The following TMEM127 variants were observed in gnomAD, a reference collection of about 807,000 sequenced individuals.
TMEM127 encodes the protein transmembrane protein 127.
Under a neutral mutation model 20.1 loss-of-function variants are expected in TMEM127, and 21 were observed. The ratio of observed to expected loss-of-function variants is 1.04; its 90% CI spans 0.74 to 1.50. TMEM127 has a LOEUF of 1.50. Ranked by LOEUF, TMEM127 falls within the 40% of genes most tolerant of loss-of-function variation. The pLI is 0.00. For missense variants in TMEM127, 303 were observed against 317.4 expected, an observed-to-expected ratio of 0.95 and a Z score of 0.34; for synonymous variants, 150 against 144.7, an observed-to-expected ratio of 1.04 and a Z score of -0.26.
Position 96,254,079 on chromosome 2 carries a change from C to CA in TMEM127, c.445dup (p.Trp149LeufsTer4). On this transcript the variant is annotated frameshift_variant, in exon 4 of 4. Coordinates refer to ENST00000258439, the MANE Select transcript of TMEM127 (RefSeq NM_017849.4). LOFTEE classifies it high-confidence loss of function. The stretch of plus-strand genomic sequence containing the variant: ...CTGGGCCAAGATGAGTTCAGAAGCC[C>CA]AATAAGAAAAGCCAATGACGGTGGC... 1 of 1,613,890 alleles carries CA rather than the reference C, an allele frequency of 6.2e-7. No individual in the cohort carries two copies. The highest frequency in any genetic ancestry group is 2.2e-5 in the East Asian group (1 of 44,894).
rs2104283381 is a variant in TMEM127, at chr2:96,253,900, C to T, written c.625G>A (p.Glu209Lys). ...YPTEEEEQAL[E>K]LLSEMEENEP... The stretch of plus-strand genomic sequence containing the variant: ...TTCTCTTCCATCTCTGAGAGCAGCT[C>T]CAGCGCCTGCTCCTCTTCCTCTGTG... Residue 209 changes from glutamate to lysine, a missense_variant, in exon 4 of 4, where the codon GAG (glutamate) becomes AAG (lysine). Transcript: ENST00000258439. This position sits in a 1 kb window ranked among gnomAD's most constrained non-coding sequence, Gnocchi z 4.3. 1 of 1,613,922 alleles carries T rather than the reference C, an allele frequency of 6.2e-7. No individual in the cohort carries two copies. The highest frequency in any genetic ancestry group is 8.5e-7 in the Non-Finnish European group (1 of 1,179,834).
At position 96,253,047 on chromosome 2, in the gene TMEM127, AT is replaced by A. The variant is rs371530522; in HGVS notation, c.*760del. ...AATATTGTTGCTGTTGCCTGGTTTCATTTTTTTCCTTTTAAAACCACTCATA... is the reference window on the plus strand; with the variant it reads ...AATATTGTTGCTGTTGCCTGGTTTCATTTTTTCCTTTTAAAACCACTCATA... On this transcript the variant is annotated 3_prime_UTR_variant, in exon 4 of 4. Transcript: ENST00000258439. This position sits in a 1 kb window ranked among gnomAD's most constrained non-coding sequence, Gnocchi z 4.3. 8.8e-3 allele frequency: 2,043 copies of A among 233,142 alleles called. 19 individuals are homozygous for A. The highest frequency in any genetic ancestry group is 0.016 in the South Asian group (89 of 5,518). 14.4% of individuals were successfully genotyped at this position (233,142 alleles called of 1,614,324 possible). A position where few individuals can be genotyped will look rare whatever the true frequency, so the allele number is the denominator to read the frequency against.
chr2:96,256,348 A>G (rs542051607), intron 2 of TMEM127, among the ~76,000 whole-genome samples: 1 of 152,082 alleles, frequency 6.6e-6, no homozygotes, highest in African/African-American at 2.4e-5. Context: ...AAGGCGGGCA[A>G]AACACCTGAG....
rs575960406 is a variant in TMEM127 at position 96,250,938 on chromosome 2, G to A, written c.*2870C>T. On this transcript the variant is annotated 3_prime_UTR_variant, in exon 4 of 4. Transcript: ENST00000258439. Reference sequence around the variant, plus strand: ...ATTAAATAAAATTTAAACAATAGAGGGAAAAAAAGTGTAGTTTGTTCTGCA... The same window carrying A: ...ATTAAATAAAATTTAAACAATAGAGAGAAAAAAAGTGTAGTTTGTTCTGCA... 166 of 228,546 alleles carry A rather than the reference G, an allele frequency of 7.3e-4. 2 individuals carry two copies. The highest frequency in any genetic ancestry group is 3.5e-3 in the African/African-American group (156 of 45,174). The allele number at this position is 228,546 out of a possible 1,614,324, so 14.2% of individuals were successfully genotyped here. A position where few individuals can be genotyped will look rare whatever the true frequency, so the allele number is the denominator to read the frequency against.
At chr2:96,261,724 G>A (rs1412632750) in intron 2 of TMEM127, among the ~76,000 whole-genome samples, 1 of 152,236 alleles carries the variant, frequency 6.6e-6, no homozygotes, top group Non-Finnish European at 1.5e-5. Context: ...TGTCCACTCA[G>A]ATTAGCTGAG....
rs1487697925 is a variant in TMEM127, at chr2:96,249,790, T to G, written c.*4018A>C. ...GTGTAGTGGCTGAGAGCGTGGATAT[T>G]TCAGGCAAGATGCCAGCTGAAGATT... On this transcript the variant is annotated 3_prime_UTR_variant, in exon 4 of 4. Coordinates refer to ENST00000258439, the MANE Select transcript of TMEM127 (RefSeq NM_017849.4). 5 of 233,088 alleles carry G rather than the reference T, an allele frequency of 2.1e-5. No individual in the cohort carries two copies. The highest frequency in any genetic ancestry group is 4.2e-5 in the Non-Finnish European group (5 of 118,020). The allele number at this position is 233,088 out of a possible 1,614,324, so 14.4% of individuals were successfully genotyped here. A position where few individuals can be genotyped will look rare whatever the true frequency, so the allele number is the denominator to read the frequency against.
At chr2:96,265,537 A>AG (rs998748221) in intron 1 of TMEM127, 25 bp from the exon 2 acceptor site, 2 of 1,010,744 alleles carry the variant, frequency 2.0e-6, no homozygotes, top group Non-Finnish European at 1.3e-6. Flanking sequence ...ACCAGAGGAT[A>AG]GGGGGGTGGG....
At chr2:96,264,444 G>A (rs985998037) in intron 2 of TMEM127, among the ~76,000 whole-genome samples, 10 of 152,304 alleles carry the variant, frequency 6.6e-5, no homozygotes, top group Middle Eastern at 3.4e-3. Context: ...GTAAAAAGCA[G>A]GTGATACAGT....
In TMEM127 at chr2:96,253,315, G is replaced by GTA; in HGVS notation, c.*492_*493insTA. On this transcript the variant is annotated 3_prime_UTR_variant, in exon 4 of 4. Transcript: ENST00000258439. The surrounding 1 kb of genome is among the most constrained non-coding windows in gnomAD (Gnocchi z 4.3). ...GTGCACAGAACTCCCCGGAGCAGGT[G>GTA]GCCTGGGGGCGGGTCACTCCGAGAA... The GTA allele has an allele frequency of 8.2e-6, 2 of 242,794 alleles. No individual in the cohort carries two copies. The highest frequency in any genetic ancestry group is 5.1e-5 in the Admixed American group (1 of 19,726). The allele number at this position is 242,794 out of a possible 1,614,324, so 15.0% of individuals were successfully genotyped here.
chr2:96,262,815 AG>A, intron 2 of TMEM127, among the ~76,000 whole-genome samples: 1 of 151,778 alleles, frequency 6.6e-6, no homozygotes, highest in Non-Finnish European at 1.5e-5. Flanking sequence ...CCTCCTGGGT[AG>A]TTGAGGCACC....
In TMEM127 at chr2:96,249,069, A is replaced by G; in HGVS notation, c.*4739T>C. ...AGAATTTTCCCCAAAGCTTATGGTG[A>G]GGAACCTGTGTGTGTGTGTGTGGTG... On this transcript the variant is annotated 3_prime_UTR_variant, in exon 4 of 4. Coordinates refer to ENST00000258439, the MANE Select transcript of TMEM127 (RefSeq NM_017849.4). The G allele has an allele frequency of 4.3e-6, 1 of 232,714 alleles. No individual in the cohort carries two copies. Among genetic ancestry groups the G allele is most frequent in the Non-Finnish European group, 8.5e-6 (1 of 118,250 alleles). 14.4% of individuals were successfully genotyped at this position (232,714 alleles called of 1,614,324 possible).
In TMEM127 at chr2:96,254,053, G is replaced by A. The variant is rs769988721; in HGVS notation, c.472C>T (p.Gln158Ter). The A allele has an allele frequency of 1.9e-6, 3 of 1,614,178 alleles. No homozygotes were observed. The highest frequency in any genetic ancestry group is 2.5e-6 in the Non-Finnish European group (3 of 1,180,026). ...YWASELILAQ[Q>*]QQHKKYHGSQ... The stretch of plus-strand genomic sequence containing the variant: ...CCATGGTACTTCTTATGCTGCTGCT[G>A]CTGGGCCAAGATGAGTTCAGAAGCC... Residue 158 changes from glutamine to a stop codon, truncating the protein, a stop_gained, in exon 4 of 4, where the codon CAG becomes TAG. Transcript: ENST00000258439. LOFTEE classifies it high-confidence loss of function.
At position 96,265,214 on chromosome 2, in the gene TMEM127, G is replaced by A. The variant is rs2104307611; in HGVS notation, c.168C>T (p.Ile56=). ...CCTGGCGCGAACAGGTGCCTCCGTG[G>A]ATGTGCAACCAGGCGGGCTCGGCGA... ...TALAEPAWLH[I]HGGTCSRQEL... is the part of the protein sequence containing the mutation. Residue 56 remains isoleucine (I), a synonymous_variant, in exon 2 of 4, where the codon ATC becomes ATT. Coordinates refer to ENST00000258439, the MANE Select transcript of TMEM127 (RefSeq NM_017849.4). 6.2e-7 allele frequency: 1 copy of A among 1,606,824 alleles called. No individual in the cohort carries two copies. Among genetic ancestry groups the A allele is most frequent in the Non-Finnish European group, 8.5e-7 (1 of 1,178,382 alleles).
At chr2:96,257,360 G>T (rs561839271) in intron 2 of TMEM127, among the ~76,000 whole-genome samples, 1 of 152,252 alleles carries the variant, frequency 6.6e-6, no homozygotes, top group Non-Finnish European at 1.5e-5. Flanking sequence ...TACTCGGGGG[G>T]CTGAGGCAGG....
At chr2:96,255,062 G>T in intron 2 of TMEM127, 65 bp from the exon 3 acceptor site, 2 of 1,597,562 alleles carry the variant, frequency 1.3e-6, no homozygotes, top group South Asian at 2.2e-5. Flanking sequence ...TCCCCACCTA[G>T]AAGGAGTTTG....
chr2:96,264,277 G>A (rs150502551), intron 2 of TMEM127, among the ~76,000 whole-genome samples: 2 of 152,250 alleles, frequency 1.3e-5, no homozygotes, highest in Non-Finnish European at 2.9e-5. Context: ...TCTGATAGGC[G>A]GTGCAGTAAA....
intron 2 of TMEM127, among the ~76,000 whole-genome samples, chr2:96,258,151 G>T (rs193186127): frequency 1.0e-3 from 154 of 152,296 alleles, no homozygotes; most frequent in Admixed American, 2.0e-3. Context: ...GGCTGAAAGC[G>T]TGTTCCCAGG....
intron 2 of TMEM127, among the ~76,000 whole-genome samples, chr2:96,263,011 C>T (rs1393460091): frequency 6.6e-6 from 1 of 150,584 alleles, no homozygotes; most frequent in African/African-American, 2.4e-5. Flanking sequence ...AGGGTAAATA[C>T]ACATGTGAAC....
In TMEM127 at chr2:96,265,522, T is replaced by TTAGGGC; in HGVS notation, c.-131-11_-131-10insGCCCTA. 8.7e-7 allele frequency: 1 copy of TTAGGGC among 1,146,842 alleles called. No homozygotes were observed. Among genetic ancestry groups the TTAGGGC allele is most frequent in the Non-Finnish European group, 1.1e-6 (1 of 905,432 alleles). The allele number at this position is 1,146,842 out of a possible 1,614,324, so 71.0% of individuals were successfully genotyped here. On this transcript the variant is annotated splice_polypyrimidine_tract_variant and intron_variant, in intron 1 of 3. Transcript: ENST00000258439. ...TGAAGCCGGGACTGGGCTGTCAGGG[T>TTAGGGC]TGACACCAGAGGATAGGGGGGTGGG...
Sources: gnomAD v4.1 joint callset for allele counts (sites outside exome capture counted in the v4.1 genomes callset) on GRCh38, gnomAD v4.1.1 for gene constraint, Gnocchi (gnomAD v3.1) non-coding constraint, MANE v1.5 for transcripts, NCBI Gene and HGNC (gene_info 2026-07-23, HGNC 2026-07-21) for gene names.